The following SIPA1L3 variants were observed in gnomAD, a reference collection of about 807,000 sequenced individuals.
SIPA1L3 encodes the protein signal induced proliferation associated 1 like 3.
A neutral mutation model predicts 150.1 loss-of-function variants in SIPA1L3; 59 were observed. The observed-to-expected ratio is 0.39, with a 90% CI of 0.32 to 0.49. The LOEUF is 0.49. Among genes scored for constraint, SIPA1L3 ranks in the 20% least tolerant of loss-of-function variants. SIPA1L3 has a pLI of 0.86. For synonymous variants in SIPA1L3, 1,070 were observed against 1,077.6 expected (o/e 0.99, Z 0.14); for missense variants, 2,211 against 2,489.5 (o/e 0.89, Z 2.38).
At chr19:38,165,258 C>A (rs1324595069) in intron 15 of SIPA1L3, among the ~76,000 whole-genome samples, 1 of 152,106 alleles carries the variant, frequency 6.6e-6, no homozygotes, top group Non-Finnish European at 1.5e-5. Flanking sequence ...GTGTATTTGG[C>A]TGGAGGCAAT....
chr19:38,119,852 G>C lies in SIPA1L3; in HGVS notation c.2838G>C (p.Glu946Asp). The change falls in exon 9 of 22, where the codon GAG becomes GAC. Residue 946 changes from glutamate (E) to aspartate (D), a missense_variant. This residue lies in a region of SIPA1L3 where 625 missense variants were observed against 804.2 expected (regional missense o/e 0.78). Coordinates refer to ENST00000222345, the MANE Select transcript of SIPA1L3 (RefSeq NM_015073.3). ...IFLQATEGSV[E>D]DIREIVQRLK... ...TACAGGCGACAGAGGGTTCTGTGGA[G>C]GACATAAGGGAGATAGTGCAGAGAC... The C allele has an allele frequency of 3.1e-6, 5 of 1,611,742 alleles. No homozygotes were observed. The highest frequency in any genetic ancestry group is 4.2e-6 in the Non-Finnish European group (5 of 1,179,498).
intron 13 of SIPA1L3, among the ~76,000 whole-genome samples, chr19:38,160,225 G>T (rs1485029459): frequency 6.6e-5 from 10 of 151,820 alleles, no homozygotes; most frequent in Non-Finnish European, 1.5e-5. Context: ...TGTTGGTCAG[G>T]CTGGTCCTGA....
At chr19:38,008,998 G>C (rs937401518) in intron 1 of SIPA1L3, among the ~76,000 whole-genome samples, 1 of 151,994 alleles carries the variant, frequency 6.6e-6, no homozygotes, top group African/African-American at 2.4e-5. Context: ...TCTCCTTCTT[G>C]CTTGAGCGAC....
In SIPA1L3 at chr19:38,117,577, C is replaced by G. The variant is rs376145911; in HGVS notation, c.2292-1729C>G. On this transcript the variant is annotated intron_variant, in intron 8 of 21. Transcript: ENST00000222345. ...GAGGTTGTGGTGAGCCGAGATTGTG[C>G]CATTGTACTCCAGCCTGAGCTACAG... Among the ~76,000 whole-genome samples, 9 of 151,724 alleles carry G rather than the reference C, an allele frequency of 5.9e-5. No individual in the cohort carries two copies. In the East Asian group the frequency reaches 1.4e-3, roughly 23 times the overall value.
At chr19:37,952,532 G>C (rs2046774081) in intron 1 of SIPA1L3, among the ~76,000 whole-genome samples, 1 of 152,114 alleles carries the variant, frequency 6.6e-6, no homozygotes, top group South Asian at 2.1e-4. Flanking sequence ...AACTAGCCAG[G>C]TGTGGTGGCA....
At chr19:38,130,914 C>A in intron 10 of SIPA1L3, 142 bp downstream of exon 10, 3 of 880,254 alleles carry the variant, frequency 3.4e-6, no homozygotes, top group Non-Finnish European at 3.4e-6. Flanking sequence ...GCAACAGTGA[C>A]AGGACGGGGA....
chr19:38,190,228 G>A (rs1351267421), intron 16 of SIPA1L3, among the ~76,000 whole-genome samples: 1 of 151,868 alleles, frequency 6.6e-6, no homozygotes, highest in African/African-American at 2.4e-5. Context: ...GGCCAGGCCT[G>A]CTTCCTCACT....
chr19:38,164,470 G>T lies in SIPA1L3; in HGVS notation c.3781-9G>T. 1 of 1,591,532 alleles carries T rather than the reference G, an allele frequency of 6.3e-7. No individual in the cohort carries two copies. Among genetic ancestry groups the T allele is most frequent in the Non-Finnish European group, 8.6e-7 (1 of 1,163,500 alleles). Reference sequence around the variant, plus strand: ...AGTCTGGGAATGACACGCTTCTCTTGCCTCTCAGGGAGAACCTCAATACTC... The same window carrying T: ...AGTCTGGGAATGACACGCTTCTCTTTCCTCTCAGGGAGAACCTCAATACTC... On this transcript the variant is annotated splice_polypyrimidine_tract_variant and intron_variant, in intron 14 of 21. Transcript: ENST00000222345. This position sits in a 1 kb window ranked among gnomAD's most constrained non-coding sequence, Gnocchi z 4.1.
chr19:37,927,455 A>G (rs984689568), intron 1 of SIPA1L3, among the ~76,000 whole-genome samples: 5 of 151,864 alleles, frequency 3.3e-5, no homozygotes, highest in African/African-American at 9.7e-5. Flanking sequence ...CCTAGCCCCC[A>G]GTAGGTAGAT....
chr19:38,182,683 G>C lies in SIPA1L3; in HGVS notation c.4373G>C (p.Gly1458Ala), dbSNP rs768622969. The change falls in exon 16 of 22, where the codon GGG becomes GCG. Residue 1458 changes from glycine to alanine, a missense_variant. Physicochemically the swap from Gly to Ala is moderately conservative, Grantham distance 60. Around this residue, in one of 5 missense-constraint regions of SIPA1L3, gnomAD observed 806 missense variants for 870.1 expected, o/e 0.93. Transcript: ENST00000222345. ...KQPVRNKHPTGWKRTEEPPPR... is the reference protein window; with the variant it reads ...KQPVRNKHPTAWKRTEEPPPR... ...CCTGTACGCAATAAGCACCCAACAG[G>C]GTGGAAGAGAACGGAGGAGCCCCCA... The C allele has an allele frequency of 5.0e-6, 8 of 1,614,026 alleles. No homozygotes were observed. The East Asian group carries it at 8.9e-5, about 18-fold the overall frequency.
intron 1 of SIPA1L3, among the ~76,000 whole-genome samples, chr19:37,914,577 A>ATG (rs2046401382): frequency 1.3e-5 from 2 of 151,854 alleles, no homozygotes; most frequent in Admixed American, 1.3e-4. Flanking sequence ...AGGTTACACC[A>ATG]TGTTGGCCAG....
At chr19:38,186,981 TG>T (rs1328613946) in intron 16 of SIPA1L3, among the ~76,000 whole-genome samples, 2 of 132,498 alleles carry the variant, frequency 1.5e-5, no homozygotes, top group African/African-American at 5.9e-5. Context: ...CACTCCAGCC[TG>T]GGCAACAAGA....
At chr19:38,109,028 C>T (rs549334929) in intron 7 of SIPA1L3, among the ~76,000 whole-genome samples, 1 of 152,240 alleles carries the variant, frequency 6.6e-6, no homozygotes, top group South Asian at 2.1e-4. Flanking sequence ...AATATAATCT[C>T]AGCAAATAAG....
intron 13 of SIPA1L3, among the ~76,000 whole-genome samples, chr19:38,154,190 G>C (rs917567919): frequency 7.2e-5 from 11 of 152,182 alleles, no homozygotes; most frequent in African/African-American, 2.7e-4. Context: ...TGTTACATTT[G>C]TGACAGCCAG....
intron 8 of SIPA1L3, among the ~76,000 whole-genome samples, chr19:38,111,438 C>T (rs989157342): frequency 2.0e-5 from 3 of 152,096 alleles, no homozygotes; most frequent in Non-Finnish European, 2.9e-5. Context: ...ATGGGTATTA[C>T]GGTTGTGATG....
chr19:37,999,520 C>T (rs1967731624), intron 1 of SIPA1L3, among the ~76,000 whole-genome samples: 1 of 152,182 alleles, frequency 6.6e-6, no homozygotes, highest in African/African-American at 2.4e-5. Flanking sequence ...TTTTCCAGCG[C>T]TGAACGTGCT....
chr19:38,033,836 C>T (rs1325743648), intron 2 of SIPA1L3, among the ~76,000 whole-genome samples: 2 of 152,116 alleles, frequency 1.3e-5, no homozygotes, highest in Non-Finnish European at 1.5e-5. Context: ...TTCTCAGCAG[C>T]GGGCCTGAGC....
At chr19:38,154,787 A>G (rs1220378143) in intron 13 of SIPA1L3, among the ~76,000 whole-genome samples, 1 of 143,044 alleles carries the variant, frequency 7.0e-6, no homozygotes, top group Non-Finnish European at 1.5e-5. Context: ...TTTGAGACAG[A>G]GTCTTACTCT....
chr19:37,929,252 G>C (rs966288001), intron 1 of SIPA1L3, among the ~76,000 whole-genome samples: 1 of 152,206 alleles, frequency 6.6e-6, no homozygotes, highest in Non-Finnish European at 1.5e-5. Context: ...AGGGAGGAGA[G>C]TGGCTACAGG....
Sources: gnomAD v4.1 joint callset for allele counts (sites outside exome capture counted in the v4.1 genomes callset) on GRCh38, gnomAD v4.1.1 for gene constraint, gnomAD v4.1.1 regional missense constraint, Gnocchi (gnomAD v3.1) non-coding constraint, MANE v1.5 for transcripts, NCBI Gene and HGNC (gene_info 2026-07-23, HGNC 2026-07-21) for gene names.